RUNX1: variants seen among roughly 807,000 people sequenced by gnomAD.
RUNX1 encodes RUNX family transcription factor 1, also known as runt-related transcription factor 1.
A neutral mutation model predicts 42.8 loss-of-function variants in RUNX1; 19 were observed. That is an observed-to-expected ratio of 0.44 (90% CI 0.31 to 0.65). The LOEUF (loss-of-function observed/expected upper bound fraction) is 0.65, where lower values mean the gene tolerates loss of function less well. Ranked by LOEUF, RUNX1 falls within the 30% of genes least tolerant of loss-of-function variation. RUNX1 has a pLI of 0.07. For synonymous variants in RUNX1, 271 were observed against 289.4 expected (o/e 0.94, Z 0.64); for missense variants, 528 against 672.0 (o/e 0.79, Z 2.37).
At chr21:34,891,707 TAAA>T (rs200304107) in intron 3 of RUNX1, among the ~76,000 whole-genome samples, 1 of 147,720 alleles carries the variant, frequency 6.8e-6, no homozygotes, top group African/African-American at 2.5e-5. Context: ...AATGCAAAAT[TAAA>T]AAAAAAAAAA....
At chr21:35,030,391 T>A (rs1212571660) in intron 2 of RUNX1, among the ~76,000 whole-genome samples, 1 of 151,558 alleles carries the variant, frequency 6.6e-6, no homozygotes, top group Non-Finnish European at 1.5e-5. Context: ...TATTTTAAGG[T>A]GACAAGCATG....
intron 3 of RUNX1, among the ~76,000 whole-genome samples, chr21:34,890,141 G>C (rs940847006): frequency 1.3e-5 from 2 of 151,970 alleles, no homozygotes; most frequent in Non-Finnish European, 1.5e-5. Context: ...CTGGCGTGGA[G>C]GCCTTTCCCG....
At chr21:34,859,710 T>C (rs2057544625) in intron 5 of RUNX1, 132 bp from the exon 6 acceptor site, 2 of 814,246 alleles carry the variant, frequency 2.5e-6, no homozygotes, top group African/African-American at 3.3e-5. Context: ...ACTCCCGGAA[T>C]TTTGGCTTTG....
chr21:34,788,004 G>A lies in RUNX1; in HGVS notation c.*4131C>T, dbSNP rs1280597397. The A allele has an allele frequency of 1.3e-5, 3 of 233,236 alleles. No individual in the cohort carries two copies. Among genetic ancestry groups the A allele is most frequent in the African/African-American group, 6.6e-5 (3 of 45,358 alleles). 14.4% of individuals were successfully genotyped at this position (233,236 alleles called of 1,614,324 possible). ...CACCCGACTGTGTACCGTGGACTGT[G>A]GACAGTGCAGTGCCTGCTCTCCTGT... On this transcript the variant is annotated 3_prime_UTR_variant, in exon 9 of 9. Coordinates refer to ENST00000675419, the MANE Select transcript of RUNX1 (RefSeq NM_001754.5).
chr21:34,825,766 T>C (rs575473162), intron 7 of RUNX1, among the ~76,000 whole-genome samples: 1 of 152,308 alleles, frequency 6.6e-6, no homozygotes, highest in East Asian at 1.9e-4. Context: ...GAAGCTATAA[T>C]TAAGTGAAGG....
chr21:34,869,035 T>C (rs758530804), intron 5 of RUNX1, among the ~76,000 whole-genome samples: 1 of 152,182 alleles, frequency 6.6e-6, no homozygotes, highest in Non-Finnish European at 1.5e-5. Context: ...ATGCCTGCTG[T>C]TATCTCATGC....
chr21:34,905,467 A>G (rs2058210890), intron 2 of RUNX1, among the ~76,000 whole-genome samples: 1 of 152,224 alleles, frequency 6.6e-6, no homozygotes, highest in Non-Finnish European at 1.5e-5. Context: ...ACCGTTGTGT[A>G]TGATGCTCTT....
intron 7 of RUNX1, among the ~76,000 whole-genome samples, chr21:34,806,514 T>A (rs73362032): frequency 6.6e-6 from 1 of 152,064 alleles, no homozygotes; most frequent in African/African-American, 2.4e-5. Context: ...CACGGAGAAA[T>A]AGGTAAATAC....
In RUNX1 at chr21:35,019,846, G is replaced by C. The variant is rs146301418; in HGVS notation, c.58+28996C>G. 3.2e-3 allele frequency among the ~76,000 whole-genome samples: 486 copies of C among 152,228 alleles called. 2 individuals are homozygous for C. The highest frequency in any genetic ancestry group is 6.1e-3 in the Non-Finnish European group (414 of 68,026). The stretch of plus-strand genomic sequence containing the variant: ...CTACTCACTGGGAAAATCGTGCACT[G>C]ATCAGTGCACGCGGCTTCAACTTTC... On this transcript the variant is annotated intron_variant, in intron 2 of 8. Coordinates refer to ENST00000675419, the MANE Select transcript of RUNX1 (RefSeq NM_001754.5).
At chr21:34,988,329 G>C (rs1158069105) in intron 2 of RUNX1, among the ~76,000 whole-genome samples, 1 of 152,130 alleles carries the variant, frequency 6.6e-6, no homozygotes, top group African/African-American at 2.4e-5. Context: ...GCACTTTCGA[G>C]GACACCAGGC....
intron 2 of RUNX1, among the ~76,000 whole-genome samples, chr21:34,966,452 TA>T (rs1197268523): frequency 6.6e-6 from 1 of 152,304 alleles, no homozygotes; most frequent in African/African-American, 2.4e-5. Context: ...GCCACTTGCC[TA>T]AAGCCACATG....
chr21:34,989,765 C>A (rs771434518), intron 2 of RUNX1, among the ~76,000 whole-genome samples: 3 of 152,192 alleles, frequency 2.0e-5, no homozygotes, highest in African/African-American at 7.2e-5. Flanking sequence ...CAAAGCCTTT[C>A]AGCTCACTAT....
chr21:34,883,993 G>A (rs568862318), intron 4 of RUNX1, among the ~76,000 whole-genome samples: 2 of 152,240 alleles, frequency 1.3e-5, no homozygotes, highest in Admixed American at 6.5e-5. Context: ...CAAGACCTCC[G>A]AACTTCCCTG....
chr21:34,831,852 C>T (rs1002953495), intron 7 of RUNX1, among the ~76,000 whole-genome samples: 5 of 152,126 alleles, frequency 3.3e-5, no homozygotes, highest in African/African-American at 1.2e-4. Flanking sequence ...AGAGAAAAAG[C>T]CCAAGGGTCT....
intron 2 of RUNX1, among the ~76,000 whole-genome samples, chr21:34,977,470 C>A (rs2058811477): frequency 6.6e-6 from 1 of 152,214 alleles, no homozygotes; most frequent in Non-Finnish European, 1.5e-5. Context: ...TACAATTTTT[C>A]TTTGGTCAAG....
intron 2 of RUNX1, among the ~76,000 whole-genome samples, chr21:35,005,517 A>G (rs1042114507): frequency 2.0e-5 from 3 of 152,140 alleles, no homozygotes; most frequent in African/African-American, 7.2e-5. Context: ...AAGCCTAGGA[A>G]CTATCAGTTT....
At chr21:34,998,563 A>T (rs1279207606) in intron 2 of RUNX1, among the ~76,000 whole-genome samples, 1 of 151,120 alleles carries the variant, frequency 6.6e-6, no homozygotes, top group South Asian at 2.1e-4. Flanking sequence ...TTTTTTTGAG[A>T]TGGAGTCTTG....
intron 2 of RUNX1, among the ~76,000 whole-genome samples, chr21:35,015,796 T>C (rs149630100): frequency 6.6e-6 from 1 of 152,290 alleles, no homozygotes; most frequent in Non-Finnish European, 1.5e-5. Flanking sequence ...TGTCCCTGTT[T>C]TACAGACAAC....
At chr21:35,047,999 C>T (rs2059413253) in intron 2 of RUNX1, among the ~76,000 whole-genome samples, 1 of 152,200 alleles carries the variant, frequency 6.6e-6, no homozygotes, top group Non-Finnish European at 1.5e-5. Flanking sequence ...TCAACCACAG[C>T]TTTGTCCATT....
Sources: allele counts gnomAD v4.1 joint callset (sites outside exome capture counted in the v4.1 genomes callset), GRCh38; gene constraint gnomAD v4.1.1; transcripts MANE v1.5; gene names NCBI Gene and HGNC (gene_info 2026-07-23, HGNC 2026-07-21).